ZNF544: variants seen among roughly 807,000 people sequenced by gnomAD.
ZNF544 encodes the protein zinc finger protein 544.
ZNF544 carries 10 observed loss-of-function variants against 13.5 expected under a neutral mutation model. That is an observed-to-expected ratio of 0.74 (90% CI 0.46 to 1.25). The LOEUF (loss-of-function observed/expected upper bound fraction) is 1.25, where lower values mean the gene tolerates loss of function less well. Among genes scored for constraint, ZNF544 ranks in the 50% most tolerant of loss-of-function variants. The pLI, the probability that ZNF544 is intolerant of heterozygous loss-of-function variation, is 0.00. For synonymous variants in ZNF544, 323 were observed against 300.5 expected, an observed-to-expected ratio of 1.07 and a Z score of -0.77; for missense variants, 896 against 845.6, an observed-to-expected ratio of 1.06 and a Z score of -0.74.
intron 3 of ZNF544, among the ~76,000 whole-genome samples, chr19:58,232,073 C>G (rs953309903): frequency 1.3e-5 from 2 of 151,784 alleles, no homozygotes; most frequent in African/African-American, 2.4e-5. Flanking sequence ...AACTTGAAAA[C>G]TAATACAAAA....
chr19:58,244,088 G>A (rs755419699), intron 4 of ZNF544, 32 bp downstream of exon 4: 2 of 1,587,414 alleles, frequency 1.3e-6, no homozygotes, highest in African/African-American at 2.7e-5. Context: ...TCAGTGCCTT[G>A]GTCTCCATAG....
chr19:58,233,761 A>T (rs1319492647), intron 3 of ZNF544, among the ~76,000 whole-genome samples: 1 of 152,108 alleles, frequency 6.6e-6, no homozygotes, highest in African/African-American at 2.4e-5. Flanking sequence ...GCTGAGTCTC[A>T]TGGACTTAAA....
At chr19:58,272,152 C>CCCTGTT (rs2050712312) in intron 5 of ZNF544, among the ~76,000 whole-genome samples, 1 of 139,384 alleles carries the variant, frequency 7.2e-6, no homozygotes, top group Non-Finnish European at 1.5e-5. Context: ...CAGAGTGAGA[C>CCCTGTT]TCCTTGACAG....
intron 3 of ZNF544, among the ~76,000 whole-genome samples, chr19:58,241,231 C>G (rs534490038): frequency 2.8e-5 from 2 of 72,336 alleles, no homozygotes; most frequent in Non-Finnish European, 6.1e-5. Flanking sequence ...AGGCAGTTCT[C>G]GAACTCCTGG....
chr19:58,235,162 A>G (rs1012727678), intron 3 of ZNF544, among the ~76,000 whole-genome samples: 8 of 152,366 alleles, frequency 5.3e-5, no homozygotes, highest in Admixed American at 2.0e-4. Flanking sequence ...ATACACATAC[A>G]AGTTATGTGG....
chr19:58,256,883 T>G (rs2047547348), intron 6 of ZNF544, among the ~76,000 whole-genome samples: 1 of 152,102 alleles, frequency 6.6e-6, no homozygotes, highest in East Asian at 1.9e-4. Flanking sequence ...GCTAGGTGAT[T>G]AAAGAGACAA....
At chr19:58,267,992 G>C (rs1240957004), downstream of ZNF544, among the ~76,000 whole-genome samples, 6 of 151,182 alleles carry the variant, frequency 4.0e-5, no homozygotes, top group South Asian at 6.3e-4. Context: ...AAAAAAAAAA[G>C]AGGGTTACCA....
In ZNF544 at chr19:58,261,620, C is replaced by T. The variant is rs1280618965; in HGVS notation, c.1014C>T (p.Ala338=). 6.2e-7 allele frequency: 1 copy of T among 1,614,220 alleles called. No individual in the cohort carries two copies. Among genetic ancestry groups the T allele is most frequent in the South Asian group, 1.1e-5 (1 of 91,090 alleles). The change falls in exon 7 of 7, where the codon GCC becomes GCT. Residue 338 remains alanine, a synonymous_variant. Transcript: ENST00000687789. The part of the protein sequence containing the change: ...CEERCAAFPM[A]SSFSDCNIIQ... The stretch of plus-strand genomic sequence containing the variant: ...AACGCTGTGCTGCCTTCCCCATGGC[C>T]TCATCTTTTTCTGACTGTAACATCA...
At chr19:58,272,551 G>C (rs551389652) in intron 5 of ZNF544, among the ~76,000 whole-genome samples, 6 of 151,246 alleles carry the variant, frequency 4.0e-5, no homozygotes, top group African/African-American at 1.5e-4. Context: ...GTGAGACCCT[G>C]TTTCTTTAAA....
chr19:58,241,627 G>A (rs1221645172), intron 3 of ZNF544, among the ~76,000 whole-genome samples: 2 of 151,958 alleles, frequency 1.3e-5, no homozygotes, highest in East Asian at 3.9e-4. Flanking sequence ...CTCCTGAGTA[G>A]CTGGGACTAC....
intron 5 of ZNF544, among the ~76,000 whole-genome samples, chr19:58,270,207 G>T (rs548059955): frequency 2.8e-4 from 43 of 152,152 alleles, no homozygotes; most frequent in Middle Eastern, 3.4e-3. Context: ...AAAAGCTCAT[G>T]AAATTTGAAT....
At chr19:58,250,271 T>C (rs1398531433) in intron 6 of ZNF544, among the ~76,000 whole-genome samples, 1 of 152,322 alleles carries the variant, frequency 6.6e-6, no homozygotes. Context: ...ATATTCTGAG[T>C]TGCCCCAGCA....
At chr19:58,254,458 G>A (rs1465013698) in intron 6 of ZNF544, among the ~76,000 whole-genome samples, 1 of 152,206 alleles carries the variant, frequency 6.6e-6, no homozygotes, top group Admixed American at 6.5e-5. Flanking sequence ...TTGTCTGTAA[G>A]AGAGAAAATC....
Position 58,262,509 on chromosome 19 carries a change from A to T in ZNF544, c.1903A>T (p.Asn635Tyr). ...CACTGGGGAGAAGCCGTACAAATGC[A>T]ATCAGTGCAATAAAGCCTTTGCAAG... Reference protein sequence around the residue: ...IHTGEKPYKCNQCNKAFARSS... With the variant: ...IHTGEKPYKCYQCNKAFARSS... Residue 635 changes from asparagine to tyrosine, a missense_variant, in exon 7 of 7, where the codon AAT (asparagine) becomes TAT (tyrosine). Coordinates refer to ENST00000687789, the MANE Select transcript of ZNF544 (RefSeq NM_014480.4). The T allele has an allele frequency of 6.2e-7, 1 of 1,614,204 alleles. No individual in the cohort carries two copies. The highest frequency in any genetic ancestry group is 8.5e-7 in the Non-Finnish European group (1 of 1,180,032).
chr19:58,237,860 C>A (rs1170773074), intron 3 of ZNF544, among the ~76,000 whole-genome samples: 1 of 152,156 alleles, frequency 6.6e-6, no homozygotes, highest in African/African-American at 2.4e-5. Flanking sequence ...CCTGAAAATG[C>A]GTCTGGAGGT....
chr19:58,272,583 T>C (rs909959703), intron 5 of ZNF544, among the ~76,000 whole-genome samples: 2 of 151,322 alleles, frequency 1.3e-5, no homozygotes, highest in African/African-American at 2.4e-5. Context: ...AAATAATCCC[T>C]TGGATTTAAA....
chr19:58,271,952 A>G (rs2050685222), intron 5 of ZNF544, among the ~76,000 whole-genome samples: 1 of 152,062 alleles, frequency 6.6e-6, no homozygotes, highest in Non-Finnish European at 1.5e-5. Context: ...ACTTGAGGTC[A>G]GGAGTTGAAG....
chr19:58,259,672 A>C (rs571170029), intron 6 of ZNF544: 1 of 152,256 alleles, frequency 6.6e-6, no homozygotes, highest in South Asian at 2.1e-4. Flanking sequence ...CTGTGTTTCA[A>C]ATCTCCCTCT....
intron 5 of ZNF544, among the ~76,000 whole-genome samples, chr19:58,272,389 C>G (rs995629357): frequency 1.3e-5 from 2 of 151,930 alleles, no homozygotes; most frequent in Non-Finnish European, 1.5e-5. Flanking sequence ...TGGCAGGACT[C>G]TGTCTCTGCA....
Sources: allele counts gnomAD v4.1 joint callset (sites outside exome capture counted in the v4.1 genomes callset), GRCh38; gene constraint gnomAD v4.1.1; transcripts MANE v1.5; gene names NCBI Gene and HGNC (gene_info 2026-07-23, HGNC 2026-07-21).